Variants in PCDH15 observed in about 807,000 individuals in gnomAD.
PCDH15 encodes the protein protocadherin-15.
In PCDH15, 129 loss-of-function variants were observed where a neutral mutation model predicts 178.5. The ratio of observed to expected loss-of-function variants is 0.72; its 90% confidence interval spans 0.63 to 0.84. The LOEUF (loss-of-function observed/expected upper bound fraction) is 0.84, where lower values mean the gene tolerates loss of function less well. Among genes scored for constraint, PCDH15 ranks in the 40% least tolerant of loss-of-function variants. PCDH15 has a pLI of 0.00. For missense variants in PCDH15, 2,230 were observed against 2,099.9 expected (o/e 1.06, Z -1.21); for synonymous variants, 800 against 732.0 (o/e 1.09, Z -1.50).
intron 2 of PCDH15, among the ~76,000 whole-genome samples, chr10:55,425,318 C>T (rs1040165011): frequency 2.0e-5 from 3 of 151,766 alleles, no homozygotes. Flanking sequence ...AGGAAAATTT[C>T]TCCAAATTAA....
At chr10:53,846,599 C>T (rs1450186573) in intron 28 of PCDH15, among the ~76,000 whole-genome samples, 2 of 151,830 alleles carry the variant, frequency 1.3e-5, no homozygotes, top group South Asian at 2.1e-4. Context: ...ACAATTGGTT[C>T]GCTTAACTTA....
chr10:55,014,663 A>G (rs1339662651), intron 2 of PCDH15, among the ~76,000 whole-genome samples: 3 of 152,190 alleles, frequency 2.0e-5, no homozygotes, highest in Non-Finnish European at 4.4e-5. Flanking sequence ...TTTCTAATTC[A>G]TTGAATAACA....
intron 17 of PCDH15, among the ~76,000 whole-genome samples, chr10:54,073,482 G>A (rs1326573728): frequency 6.6e-6 from 1 of 152,002 alleles, no homozygotes; most frequent in Non-Finnish European, 1.5e-5. Flanking sequence ...TGATTATGAA[G>A]TTAAATGCTC....
intron 11 of PCDH15, among the ~76,000 whole-genome samples, chr10:54,192,992 C>T (rs933192232): frequency 6.6e-6 from 1 of 152,130 alleles, no homozygotes; most frequent in Admixed American, 6.6e-5. Flanking sequence ...CAATGTTATA[C>T]AGCTATTACA....
chr10:55,168,662 T>C (rs979947724), intron 1 of PCDH15, among the ~76,000 whole-genome samples: 1 of 152,192 alleles, frequency 6.6e-6, no homozygotes, highest in Non-Finnish European at 1.5e-5. Flanking sequence ...TTTCATAAAA[T>C]ATAGCAGAAA....
chr10:55,077,499 T>TTTCC (rs1264815016), intron 2 of PCDH15, among the ~76,000 whole-genome samples: 3 of 148,138 alleles, frequency 2.0e-5, no homozygotes, highest in Non-Finnish European at 3.0e-5. Flanking sequence ...CCTTCTTTCC[T>TTTCC]TTCCTTCCTT....
intron 8 of PCDH15, among the ~76,000 whole-genome samples, chr10:54,308,394 C>T (rs1293876929): frequency 1.3e-5 from 2 of 152,086 alleles, no homozygotes; most frequent in African/African-American, 4.8e-5. Context: ...TTTGTTCATA[C>T]AACTAAACTA....
intron 2 of PCDH15, among the ~76,000 whole-genome samples, chr10:55,047,531 G>A (rs1048279952): frequency 1.3e-5 from 2 of 151,758 alleles, no homozygotes; most frequent in African/African-American, 2.4e-5. Context: ...TAACTGGAAA[G>A]AGGAAAAATA....
At chr10:54,115,568 G>A (rs892772611) in intron 15 of PCDH15, among the ~76,000 whole-genome samples, 2 of 152,206 alleles carry the variant, frequency 1.3e-5, no homozygotes, top group East Asian at 1.9e-4. Context: ...TATTGATGCA[G>A]ACATATAAAC....
intron 15 of PCDH15, among the ~76,000 whole-genome samples, chr10:54,113,932 A>C (rs987335226): frequency 6.6e-6 from 1 of 152,134 alleles, no homozygotes; most frequent in Non-Finnish European, 1.5e-5. Context: ...AGTGGCAGGC[A>C]AGAGAGAGAG....
chr10:54,351,395 A>G (rs1452891561), intron 5 of PCDH15, among the ~76,000 whole-genome samples: 1 of 152,106 alleles, frequency 6.6e-6, no homozygotes, highest in Non-Finnish European at 1.5e-5. Context: ...TTGACAGCCT[A>G]TTTGCATCCA....
chr10:54,814,067 C>T lies in PCDH15; in HGVS notation c.-29+83383G>A, dbSNP rs571479016. Reference sequence around the variant, plus strand: ...ACCTCCCACACATATATTATGCCAGCTAATTCATAGATGTTCCTAAAATCT... The same window carrying T: ...ACCTCCCACACATATATTATGCCAGTTAATTCATAGATGTTCCTAAAATCT... On this transcript the variant is annotated intron_variant, in intron 3 of 5. Coordinates refer to the PCDH15 transcript ENST00000458638. Among the ~76,000 whole-genome samples, 7 of 152,252 alleles carry T rather than the reference C, an allele frequency of 4.6e-5. No individual in the cohort carries two copies. In the East Asian group the frequency reaches 1.4e-3, roughly 29 times the overall value.
Position 55,195,755 on chromosome 10 carries a change from A to G in PCDH15, c.-155-29104T>C, listed in dbSNP as rs750491431. Among the ~76,000 whole-genome samples, 7 of 151,974 alleles carry G rather than the reference A, an allele frequency of 4.6e-5. 1 individual carries two copies. The highest frequency in any genetic ancestry group is 7.3e-5 in the African/African-American group (3 of 41,346). ...TATCAAATAAAGTATTTCTGTGATA[A>G]AATTTATTGTGGAAATATTCATGAA... On this transcript the variant is annotated intron_variant, in intron 1 of 5. Transcript: ENST00000458638.
At chr10:55,346,956 T>A (rs897344676) in intron 2 of PCDH15, among the ~76,000 whole-genome samples, 1 of 152,060 alleles carries the variant, frequency 6.6e-6, no homozygotes, top group Non-Finnish European at 1.5e-5. Flanking sequence ...GACTCACACA[T>A]GTAATCCCAG....
At chr10:54,311,033 C>T (rs1438427031) in intron 8 of PCDH15, among the ~76,000 whole-genome samples, 16 of 151,920 alleles carry the variant, frequency 1.1e-4, no homozygotes, top group South Asian at 2.1e-4. Flanking sequence ...AAAGCTTCCC[C>T]GGAGGGAGAG....
At chr10:54,512,582 A>T (rs1377736669) in intron 3 of PCDH15, among the ~76,000 whole-genome samples, 1 of 152,174 alleles carries the variant, frequency 6.6e-6, no homozygotes, top group African/African-American at 2.4e-5. Flanking sequence ...GTCAAATGGC[A>T]AATGGGTTTT....
At chr10:54,706,499 G>A (rs1440153243) in intron 1 of PCDH15, among the ~76,000 whole-genome samples, 1 of 152,128 alleles carries the variant, frequency 6.6e-6, no homozygotes, top group Non-Finnish European at 1.5e-5. Context: ...GTATGGGATA[G>A]TAATATAAAT....
intron 1 of PCDH15, among the ~76,000 whole-genome samples, chr10:54,694,415 GAAC>G (rs939118365): frequency 2.7e-4 from 41 of 152,012 alleles, no homozygotes; most frequent in African/African-American, 8.0e-4. Flanking sequence ...GGAATAAATA[GAAC>G]AATACAGGCA....
At chr10:55,130,232 T>G (rs1838004656) in intron 2 of PCDH15, among the ~76,000 whole-genome samples, 1 of 151,896 alleles carries the variant, frequency 6.6e-6, no homozygotes, top group African/African-American at 2.4e-5. Context: ...TTGCTTTAGG[T>G]AAGTGGTCAA....
Sources: gnomAD v4.1 joint callset for allele counts (sites outside exome capture counted in the v4.1 genomes callset) on GRCh38, gnomAD v4.1.1 for gene constraint, MANE v1.5 for transcripts, NCBI Gene and HGNC (gene_info 2026-07-23, HGNC 2026-07-21) for gene names.